Variants in TBCK observed in about 807,000 individuals in gnomAD.
TBCK encodes TBC domain-containing protein kinase-like protein.
A neutral mutation model predicts 113.4 loss-of-function variants in TBCK; 99 were observed. That is an observed-to-expected ratio of 0.87 (90% confidence interval 0.74 to 1.03). The LOEUF (loss-of-function observed/expected upper bound fraction) is 1.03. Among genes scored for constraint, TBCK ranks in the 50% least tolerant of loss-of-function variants. The pLI is 0.00. For synonymous variants in TBCK, 369 were observed against 370.8 expected (o/e 1.00, Z 0.05); for missense variants, 1,045 against 1,061.3 (o/e 0.98, Z 0.21).
intron 22 of TBCK, among the ~76,000 whole-genome samples, chr4:106,189,562 GA>G (rs1753428607): frequency 6.6e-6 from 1 of 151,916 alleles, no homozygotes. Flanking sequence ...AAGCCAGGGA[GA>G]AAAAATGATG....
chr4:106,230,798 T>C (rs1758773393), intron 18 of TBCK, among the ~76,000 whole-genome samples: 1 of 151,824 alleles, frequency 6.6e-6, no homozygotes, highest in African/African-American at 2.4e-5. Context: ...TAACTGCTGC[T>C]GATGCAAACA....
rs79439570 is a variant in TBCK, at chr4:106,304,360, T to A, written c.193+4408A>T. Among the ~76,000 whole-genome samples, 765 of 152,246 alleles carry A rather than the reference T, an allele frequency of 5.0e-3. 13 individuals are homozygous for A. Among genetic ancestry groups the A allele is most frequent in the East Asian group, 0.034 (174 of 5,180 alleles). On this transcript the variant is annotated intron_variant, in intron 2 of 25. Transcript: ENST00000394708. ...CAAACCCATAACAACAGACATAAGA[T>A]CAGATCAGAGATCTCAGATCCTCAT...
intron 5 of TBCK, among the ~76,000 whole-genome samples, chr4:106,256,311 G>A (rs957236056): frequency 2.0e-5 from 3 of 152,240 alleles, no homozygotes; most frequent in East Asian, 1.9e-4. Flanking sequence ...CAGGCTATTC[G>A]TGCCACGGAG....
upstream of TBCK, chr4:106,316,550 G>A (rs1252799095): frequency 2.6e-6 from 4 of 1,551,518 alleles, no homozygotes; most frequent in South Asian, 3.6e-5. Flanking sequence ...GGACCTACAT[G>A]CTTCCTGCTG....
At chr4:106,203,338 T>G (rs2149848504) in intron 20 of TBCK, among the ~76,000 whole-genome samples, 1 of 151,190 alleles carries the variant, frequency 6.6e-6, no homozygotes, top group East Asian at 1.9e-4. Context: ...CATAAAATTT[T>G]GGGTTTGTTG....
chr4:106,302,452 C>T (rs879895719), intron 2 of TBCK, among the ~76,000 whole-genome samples: 3 of 152,090 alleles, frequency 2.0e-5, no homozygotes, highest in Admixed American at 6.5e-5. Context: ...GTTCCTAATT[C>T]GGTGTTTATA....
intron 3 of TBCK, among the ~76,000 whole-genome samples, chr4:106,288,962 C>T (rs1361146596): frequency 6.6e-6 from 1 of 152,166 alleles, no homozygotes; most frequent in Non-Finnish European, 1.5e-5. Flanking sequence ...ACACTTAAGT[C>T]CCATCTACAA....
chr4:106,255,970 G>A (rs1579415270), intron 5 of TBCK, among the ~76,000 whole-genome samples: 1 of 152,288 alleles, frequency 6.6e-6, no homozygotes, highest in South Asian at 2.1e-4. Flanking sequence ...TTCCCCTCAG[G>A]TGGGGTGTCC....
Position 106,116,162 on chromosome 4 carries a change from T to C in TBCK, c.2411+41A>G, listed in dbSNP as rs757411676. ...CTTAAATGAAAGGATGCAATACAAATAAGCAGTACCACCCTTTAAAACAGC... is the reference window on the plus strand; with the variant it reads ...CTTAAATGAAAGGATGCAATACAAACAAGCAGTACCACCCTTTAAAACAGC... On this transcript the variant is annotated intron_variant, in intron 24 of 25. Coordinates refer to ENST00000394708, the MANE Select transcript of TBCK (RefSeq NM_001163435.3). 1.5e-5 allele frequency: 23 copies of C among 1,562,780 alleles called. 1 individual carries two copies. In the Admixed American group the frequency reaches 1.8e-4, roughly 12 times the overall value.
intron 19 of TBCK, among the ~76,000 whole-genome samples, chr4:106,224,196 A>G (rs1757992460): frequency 6.6e-6 from 1 of 152,086 alleles, no homozygotes; most frequent in African/African-American, 2.4e-5. Context: ...TAAATTGAGC[A>G]TTCTTTTACT....
intron 14 of TBCK, among the ~76,000 whole-genome samples, chr4:106,235,769 T>A (rs556411612): frequency 6.6e-6 from 1 of 152,070 alleles, no homozygotes; most frequent in Non-Finnish European, 1.5e-5. Context: ...GCTACTATTA[T>A]GAGTACTTCC....
intron 2 of TBCK, among the ~76,000 whole-genome samples, chr4:106,306,236 A>ATTTTT (rs60417567): frequency 5.1e-5 from 5 of 97,326 alleles, no homozygotes; most frequent in Non-Finnish European, 8.2e-5. Context: ...TGCCTGGCTA[A>ATTTTT]TTTTTTTTTT....
At chr4:106,163,498 C>G (rs929106734) in intron 23 of TBCK, 1 of 152,088 alleles carries the variant, frequency 6.6e-6, no homozygotes, top group Admixed American at 6.6e-5. Context: ...TGTTCTCATA[C>G]TGCTCATAAA....
chr4:106,234,300 T>C (rs1488728894), intron 15 of TBCK, among the ~76,000 whole-genome samples: 1 of 152,122 alleles, frequency 6.6e-6, no homozygotes, highest in Non-Finnish European at 1.5e-5. Flanking sequence ...GTCTAATGAT[T>C]AATGTATGAT....
chr4:106,220,317 T>C (rs982177299), intron 19 of TBCK, among the ~76,000 whole-genome samples: 3 of 152,196 alleles, frequency 2.0e-5, no homozygotes, highest in Non-Finnish European at 4.4e-5. Flanking sequence ...CATCTTCTCC[T>C]GCCGCTGCCA....
At chr4:106,282,426 T>C (rs1323693666) in intron 3 of TBCK, among the ~76,000 whole-genome samples, 1 of 148,630 alleles carries the variant, frequency 6.7e-6, no homozygotes, top group African/African-American at 2.6e-5. Flanking sequence ...ATCTTTATTA[T>C]TTTTTTTCTT....
At position 106,212,879 on chromosome 4, in the gene TBCK, C is replaced by G. The variant is rs372666421; in HGVS notation, c.1775-44G>C. 1.0e-5 allele frequency: 12 copies of G among 1,176,460 alleles called. No homozygotes were observed. The African/African-American group carries it at 1.2e-4, about 12-fold the overall frequency. 72.9% of individuals were successfully genotyped at this position (1,176,460 alleles called of 1,614,324 possible). A position where few individuals can be genotyped will look rare whatever the true frequency, so the allele number is the denominator to read the frequency against. Reference sequence around the variant, plus strand: ...AGACAATCATCATTTTTACACAGTACTCCAAGAACATTATATTCAAATATA... The same window carrying G: ...AGACAATCATCATTTTTACACAGTAGTCCAAGAACATTATATTCAAATATA... On this transcript the variant is annotated intron_variant, in intron 19 of 25. Coordinates refer to ENST00000394708, the MANE Select transcript of TBCK (RefSeq NM_001163435.3).
At chr4:106,200,989 G>A (rs185646355) in intron 20 of TBCK, among the ~76,000 whole-genome samples, 2 of 151,920 alleles carry the variant, frequency 1.3e-5, no homozygotes, top group African/African-American at 4.8e-5. Flanking sequence ...ATAATGGCAT[G>A]TATTTAAAAA....
intron 3 of TBCK, among the ~76,000 whole-genome samples, chr4:106,265,348 T>TCC (rs902753087): frequency 1.3e-5 from 2 of 151,868 alleles, no homozygotes; most frequent in African/African-American, 4.8e-5. Flanking sequence ...AAATGGGGTG[T>TCC]CCCCCCGAAG....
Sources: gnomAD v4.1 joint callset for allele counts (sites outside exome capture counted in the v4.1 genomes callset) on GRCh38, gnomAD v4.1.1 for gene constraint, MANE v1.5 for transcripts, NCBI Gene and HGNC (gene_info 2026-07-23, HGNC 2026-07-21) for gene names.